ATP8A1: variants seen among roughly 807,000 people sequenced by gnomAD.
ATP8A1 encodes phospholipid-transporting ATPase IA.
Under a neutral mutation model 177.7 loss-of-function variants are expected in ATP8A1, and 90 were observed. The ratio of observed to expected loss-of-function variants is 0.51; its 90% CI spans 0.43 to 0.60. The LOEUF (loss-of-function observed/expected upper bound fraction) is 0.60, where lower values mean the gene tolerates loss of function less well. Among genes scored for constraint, ATP8A1 ranks in the 20% least tolerant of loss-of-function variants. The probability of loss-of-function intolerance (pLI) is 0.00; values close to 1 mark genes in which losing one functional copy is unlikely to be tolerated. For missense variants in ATP8A1, 1,072 were observed against 1,392.8 expected (o/e 0.77, Z 3.67); for synonymous variants, 493 against 485.9 (o/e 1.01, Z -0.19).
At chr4:42,619,057 G>GT (rs36110616) in intron 4 of ATP8A1, among the ~76,000 whole-genome samples, 33,712 of 148,232 alleles carry the variant, frequency 0.23, 4,194 homozygotes, top group Non-Finnish European at 0.29. Context: ...TGATTTTTTT[G>GT]TTTTTTTTTT....
At chr4:42,532,490 T>A (rs934803747) in intron 20 of ATP8A1, among the ~76,000 whole-genome samples, 8 of 151,402 alleles carry the variant, frequency 5.3e-5, no homozygotes, top group Admixed American at 3.3e-4. Flanking sequence ...AAAAAAAAAA[T>A]AAATAAATTG....
chr4:42,533,404 TGTG>T (rs2153202255), intron 20 of ATP8A1, among the ~76,000 whole-genome samples: 1 of 152,220 alleles, frequency 6.6e-6, no homozygotes, highest in South Asian at 2.1e-4. Context: ...CCTGGTGATG[TGTG>T]TGATGCAGCA....
intron 15 of ATP8A1, among the ~76,000 whole-genome samples, chr4:42,560,879 C>T (rs1271734830): frequency 4.6e-5 from 7 of 151,986 alleles, no homozygotes; most frequent in Admixed American, 6.5e-5. Flanking sequence ...GCAAAAACCA[C>T]AATTACTTTT....
At chr4:42,504,006 G>A (rs181797243) in intron 23 of ATP8A1, among the ~76,000 whole-genome samples, 67 of 152,180 alleles carry the variant, frequency 4.4e-4, no homozygotes, top group South Asian at 3.1e-3. Flanking sequence ...CTTACTGCAG[G>A]GCAAAAATCC....
chr4:42,643,350 T>C (rs1740198703), intron 1 of ATP8A1, among the ~76,000 whole-genome samples: 1 of 152,202 alleles, frequency 6.6e-6, no homozygotes, highest in African/African-American at 2.4e-5. Flanking sequence ...TCTACAAACA[T>C]ATGTATTTTT....
chr4:42,467,420 G>T (rs559915284), intron 25 of ATP8A1, among the ~76,000 whole-genome samples: 1 of 152,168 alleles, frequency 6.6e-6, no homozygotes, highest in Non-Finnish European at 1.5e-5. Context: ...CTGGCTGGGC[G>T]TAGTGGCTCA....
chr4:42,488,064 A>T (rs988887943), intron 24 of ATP8A1, among the ~76,000 whole-genome samples: 1 of 152,222 alleles, frequency 6.6e-6, no homozygotes, highest in African/African-American at 2.4e-5. Flanking sequence ...AATAAATTCC[A>T]CAAGCAAAAT....
chr4:42,434,275 A>G (rs1052968798), intron 33 of ATP8A1, among the ~76,000 whole-genome samples: 4 of 152,168 alleles, frequency 2.6e-5, no homozygotes, highest in African/African-American at 9.7e-5. Context: ...TCAGTGTTCA[A>G]TATATTTACT....
chr4:42,429,632 G>A (rs1375334115), intron 33 of ATP8A1, among the ~76,000 whole-genome samples: 6 of 152,076 alleles, frequency 3.9e-5, no homozygotes, highest in Non-Finnish European at 5.9e-5. Flanking sequence ...TTGAAACTGT[G>A]CATTCAATTT....
chr4:42,562,497 C>G (rs984538501), intron 15 of ATP8A1: 2 of 152,346 alleles, frequency 1.3e-5, no homozygotes, highest in Non-Finnish European at 2.9e-5. Context: ...TCCTGCTTTT[C>G]AATGGTACAA....
At chr4:42,615,943 A>G (rs1195499075) in intron 5 of ATP8A1, 90 bp downstream of exon 5, 3 of 1,222,012 alleles carry the variant, frequency 2.5e-6, no homozygotes, top group Non-Finnish European at 3.5e-6. Flanking sequence ...GATGCACACT[A>G]TTTGCAATTG....
Position 42,412,928 on chromosome 4 carries a change from G to C in ATP8A1, c.3483C>G (p.Pro1161=), listed in dbSNP as rs78469447. 2.6e-5 allele frequency: 42 copies of C among 1,613,140 alleles called. No homozygotes were observed. The highest frequency in any genetic ancestry group is 3.4e-5 in the Non-Finnish European group (40 of 1,179,486). ...CAGGCTCTCCCCATCACCATTCGTC[G>C]GGCCTCTGTTTCGTGGTATCATATG... ...IRAYDTTKQR[P]DEW The change falls in exon 37 of 37, where the codon CCC becomes CCG. Residue 1161 remains proline (P), a synonymous_variant. Transcript: ENST00000381668.
Position 42,574,267 on chromosome 4 carries a change from G to T in ATP8A1, c.1295+352C>A, listed in dbSNP as rs186042604. Reference sequence around the variant, plus strand: ...CTGTCACTATTTTAACTTGAAAACTGCTCAAGGCCTGATTATCTGTCCTTA... The same window carrying T: ...CTGTCACTATTTTAACTTGAAAACTTCTCAAGGCCTGATTATCTGTCCTTA... On this transcript the variant is annotated intron_variant, in intron 14 of 36. Transcript: ENST00000381668. Among the ~76,000 whole-genome samples the T allele has an allele frequency of 5.3e-5, 8 of 152,148 alleles. No individual in the cohort carries two copies. The East Asian group carries it at 1.5e-3, about 29-fold the overall frequency.
In ATP8A1 at chr4:42,412,683, G is replaced by A. The variant is rs564805783; in HGVS notation, c.*233C>T. 4 of 380,890 alleles carry A rather than the reference G, an allele frequency of 1.1e-5. No homozygotes were observed. The highest frequency in any genetic ancestry group is 4.3e-5 in the East Asian group (1 of 23,114). 23.6% of individuals were successfully genotyped at this position (380,890 alleles called of 1,614,324 possible). A position where few individuals can be genotyped will look rare whatever the true frequency, so the allele number is the denominator to read the frequency against. On this transcript the variant is annotated 3_prime_UTR_variant, in exon 37 of 37. Coordinates refer to ENST00000381668, the MANE Select transcript of ATP8A1 (RefSeq NM_006095.2). ...AGATACCAGGTCATTTTCAATTTCC[G>A]TTTACAAAGACTTAGCAAATACCTT...
Position 42,444,688 on chromosome 4 carries a change from A to C in ATP8A1, c.2959-54T>G. On this transcript the variant is annotated intron_variant, in intron 31 of 36. Transcript: ENST00000381668. The stretch of plus-strand genomic sequence containing the variant: ...ACCTCATAAACATGAAAGTTCATCA[A>C]ATGACTGAAGGATTTATAAAGAACA... The C allele has an allele frequency of 3.9e-6, 6 of 1,523,448 alleles. 1 individual carries two copies. The South Asian group carries it at 6.8e-5, about 17-fold the overall frequency. 94.4% of individuals were successfully genotyped at this position (1,523,448 alleles called of 1,614,324 possible).
At chr4:42,474,334 C>T (rs1170289317) in intron 25 of ATP8A1, among the ~76,000 whole-genome samples, 1 of 152,108 alleles carries the variant, frequency 6.6e-6, no homozygotes, top group Non-Finnish European at 1.5e-5. Flanking sequence ...CCCATGGCAC[C>T]CTGTTTGAGC....
chr4:42,633,912 G>A (rs75674435), intron 1 of ATP8A1, among the ~76,000 whole-genome samples: 13,069 of 152,180 alleles, frequency 0.086, 745 homozygotes, highest in East Asian at 0.13. Context: ...CCCAAAAGGG[G>A]GAATAGCAGG....
At chr4:42,548,126 T>TA (rs1729112451) in intron 19 of ATP8A1, among the ~76,000 whole-genome samples, 1 of 152,188 alleles carries the variant, frequency 6.6e-6, no homozygotes, top group African/African-American at 2.4e-5. Context: ...AGAAATAAAA[T>TA]AAGTAGGACA....
chr4:42,450,584 G>C (rs977202384), intron 30 of ATP8A1, among the ~76,000 whole-genome samples: 1 of 152,160 alleles, frequency 6.6e-6, no homozygotes. Flanking sequence ...TTCTTACCAT[G>C]CTCATTCCAC....
Sources: gnomAD v4.1 joint callset for allele counts (sites outside exome capture counted in the v4.1 genomes callset) on GRCh38, gnomAD v4.1.1 for gene constraint, MANE v1.5 for transcripts, NCBI Gene and HGNC (gene_info 2026-07-23, HGNC 2026-07-21) for gene names.